Variants in TTC21A observed in about 807,000 individuals in gnomAD.
The protein encoded by TTC21A is tetratricopeptide repeat domain 21A.
TTC21A carries 128 observed loss-of-function variants against 156.4 expected under a neutral mutation model. The ratio of observed to expected loss-of-function variants is 0.82; its 90% CI spans 0.71 to 0.95. The LOEUF (loss-of-function observed/expected upper bound fraction) is 0.95. Ranked by LOEUF, TTC21A falls within the 40% of genes least tolerant of loss-of-function variation. TTC21A has a pLI of 0.00. For synonymous variants in TTC21A, 587 were observed against 617.1 expected, an observed-to-expected ratio of 0.95 and a Z score of 0.72; for missense variants, 1,435 against 1,602.3, an observed-to-expected ratio of 0.90 and a Z score of 1.78.
chr3:39,135,029 TC>T (rs2125862170), intron 21 of TTC21A, 63 bp from the exon 22 acceptor site: 4 of 793,378 alleles, frequency 5.0e-6, no homozygotes, highest in East Asian at 3.4e-5. Flanking sequence ...ACCCCCCGCC[TC>T]CCCCTACACC....
Position 39,112,554 on chromosome 3 carries a change from A to G in TTC21A, c.532A>G (p.Lys178Glu), listed in dbSNP as rs367667906. Reference sequence around the variant, plus strand: ...CCTGGAACAAGGAATTCAGGACACCAAAGATGTGCTGGGGCTGATGGGAAA... The same window carrying G: ...CCTGGAACAAGGAATTCAGGACACCGAAGATGTGCTGGGGCTGATGGGAAA... ...EYLEQGIQDT[K>E]DVLGLMGKAM... The change falls in exon 5 of 29, where the codon AAA (lysine) becomes GAA (glutamate). Residue 178 changes from lysine (K) to glutamate (E), a missense_variant. By Grantham distance (56) the Lys-to-Glu change is moderately conservative. Transcript: ENST00000683103. The G allele has an allele frequency of 6.2e-7, 1 of 1,614,054 alleles. No homozygotes were observed. The highest frequency in any genetic ancestry group is 1.3e-5 in the African/African-American group (1 of 74,932).
Position 39,110,927 on chromosome 3 carries a change from T to A in TTC21A, c.345T>A (p.Tyr115Ter). 1.2e-6 allele frequency: 2 copies of A among 1,614,068 alleles called. No homozygotes were observed. Among genetic ancestry groups the A allele is most frequent in the South Asian group, 2.2e-5 (2 of 91,074 alleles). Residue 115 changes from tyrosine (Y) to a stop codon, truncating the protein, a stop_gained, in exon 4 of 29, where the codon TAT (tyrosine) becomes TAA (stop). Coordinates refer to ENST00000683103, the MANE Select transcript of TTC21A (RefSeq NM_001366900.1). LOFTEE classifies it high-confidence loss of function. ...CAGTCAGTGGGACTGCACTGTACTATGCTGGCCTTTTCCTCTGGCTCATAG... is the reference window on the plus strand; with the variant it reads ...CAGTCAGTGGGACTGCACTGTACTAAGCTGGCCTTTTCCTCTGGCTCATAG... ...RKTVSGTALY[Y>*]AGLFLWLIGR...
rs572025005 is a variant in TTC21A, at chr3:39,134,653, G to C, written c.2862+325G>C. 6.1e-6 allele frequency: 3 copies of C among 489,788 alleles called. No individual in the cohort carries two copies. Among genetic ancestry groups the C allele is most frequent in the East Asian group, 3.9e-5 (1 of 25,720 alleles). 30.3% of individuals were successfully genotyped at this position (489,788 alleles called of 1,614,324 possible). ...TGGGGCTTCAGGAAAAGCCCTCCTC[G>C]GTCCTGCCTCTCTCTTCCCTATCAT... On this transcript the variant is annotated intron_variant, in intron 21 of 28. Transcript: ENST00000683103. This position sits in a 1 kb window ranked among gnomAD's most constrained non-coding sequence, Gnocchi z 4.6.
intron 1 of TTC21A, 119 bp from the exon 2 acceptor site, chr3:39,108,966 C>G (rs974104803): frequency 2.7e-5 from 31 of 1,149,220 alleles, no homozygotes; most frequent in Non-Finnish European, 3.6e-5. Flanking sequence ...TCTTTCTCTT[C>G]CCTTTGCAGA....
intron 12 of TTC21A, among the ~76,000 whole-genome samples, chr3:39,127,905 C>G (rs1050525216): frequency 6.6e-6 from 1 of 152,238 alleles, no homozygotes; most frequent in Admixed American, 6.5e-5. Flanking sequence ...AGTAATAAAT[C>G]AGACTTTCTA....
At chr3:39,129,703 G>A (rs1269513250) in intron 15 of TTC21A, among the ~76,000 whole-genome samples, 1 of 152,230 alleles carries the variant, frequency 6.6e-6, no homozygotes, top group Non-Finnish European at 1.5e-5. Flanking sequence ...AATTTAAAGT[G>A]GGAGGTGGGG....
rs921530699 is a variant in TTC21A at position 39,138,138 on chromosome 3, G to T, written c.3676-129G>T. Reference sequence around the variant, plus strand: ...GGTTGGGGTACCCCTGGGGTCCCTTGGCAGTTTGGTTTATGGCAGCTCACT... The same window carrying T: ...GGTTGGGGTACCCCTGGGGTCCCTTTGCAGTTTGGTTTATGGCAGCTCACT... On this transcript the variant is annotated intron_variant, in intron 26 of 28. Transcript: ENST00000683103. The T allele has an allele frequency of 2.8e-6, 4 of 1,413,662 alleles. No individual in the cohort carries two copies. The East Asian group carries it at 7.0e-5, about 25-fold the overall frequency. The allele number at this position is 1,413,662 out of a possible 1,614,324, so 87.6% of individuals were successfully genotyped here.
intron 5 of TTC21A, 21 bp from the exon 6 acceptor site, chr3:39,114,564 C>T (rs1380275232): frequency 6.2e-7 from 1 of 1,613,596 alleles, no homozygotes; most frequent in Non-Finnish European, 8.5e-7. Flanking sequence ...CACGGAGGCT[C>T]TTCTGTCTGG....
At chr3:39,124,968 C>A in intron 9 of TTC21A, 95 bp from the exon 10 acceptor site, 1 of 816,814 alleles carries the variant, frequency 1.2e-6, no homozygotes. Flanking sequence ...ACTGAGACAT[C>A]TTCCTTCCAC....
At chr3:39,137,122 G>A in intron 24 of TTC21A, 62 bp downstream of exon 24, 1 of 1,601,680 alleles carries the variant, frequency 6.2e-7, no homozygotes, top group South Asian at 1.1e-5. Context: ...TGCAACCTCT[G>A]GGTTGAAGCC....
chr3:39,116,525 G>A (rs942175021), intron 6 of TTC21A, among the ~76,000 whole-genome samples: 1 of 151,830 alleles, frequency 6.6e-6, no homozygotes, highest in African/African-American at 2.4e-5. Flanking sequence ...GCCTAGGCTG[G>A]AGTGAAGTGG....
Position 39,130,072 on chromosome 3 carries a change from C to A in TTC21A, c.2136-7C>A. The A allele has an allele frequency of 6.2e-7, 1 of 1,614,036 alleles. No individual in the cohort carries two copies. The highest frequency in any genetic ancestry group is 1.3e-5 in the African/African-American group (1 of 75,050). On this transcript the variant is annotated splice_polypyrimidine_tract_variant and splice_region_variant and intron_variant, in intron 15 of 28. Coordinates refer to ENST00000683103, the MANE Select transcript of TTC21A (RefSeq NM_001366900.1). The surrounding 1 kb of genome is among the most constrained non-coding windows in gnomAD (Gnocchi z 4.5). ...TGGGATAAGCTTTTGGTTACTCTTGCTTGCAGTGAGCTCTGTGAACATCTG... is the reference window on the plus strand; with the variant it reads ...TGGGATAAGCTTTTGGTTACTCTTGATTGCAGTGAGCTCTGTGAACATCTG...
chr3:39,124,386 G>A (rs917130777), intron 9 of TTC21A, among the ~76,000 whole-genome samples: 2 of 152,076 alleles, frequency 1.3e-5, no homozygotes, highest in Admixed American at 6.6e-5. Flanking sequence ...GTGGCCAGGC[G>A]CAGTGGCTCA....
In TTC21A at chr3:39,137,696, G is replaced by A; in HGVS notation, c.3661G>A (p.Val1221Met). 1.2e-6 allele frequency: 2 copies of A among 1,612,548 alleles called. No homozygotes were observed. The highest frequency in any genetic ancestry group is 1.7e-6 in the Non-Finnish European group (2 of 1,179,474). ...CGCCTTAGAACTGCTGCGGCGCTGT[G>A]TGCAATACAACAAGGCAAGGAGCCA... ...DLALELLRRC[V>M]QYNKSCYKAY... Residue 1221 changes from valine to methionine, a missense_variant, in exon 26 of 29, where the codon GTG (valine) becomes ATG (methionine). By Grantham distance (21) the Val-to-Met change is conservative. Coordinates refer to ENST00000683103, the MANE Select transcript of TTC21A (RefSeq NM_001366900.1).
chr3:39,109,440 C>T (rs2036606480), intron 2 of TTC21A, among the ~76,000 whole-genome samples: 1 of 152,180 alleles, frequency 6.6e-6, no homozygotes, highest in Non-Finnish European at 1.5e-5. Context: ...CCTCGGGTTC[C>T]CTCTCTGTAA....
chr3:39,110,795 A>C, intron 3 of TTC21A, 56 bp from the exon 4 acceptor site: 1 of 1,606,512 alleles, frequency 6.2e-7, no homozygotes, highest in Non-Finnish European at 8.5e-7. Context: ...CCCATGCAGA[A>C]CCAGGCAGAC....
In TTC21A at chr3:39,125,581, G is replaced by A. The variant is rs375696012; in HGVS notation, c.1392+49G>A. 1.5e-3 allele frequency: 2,051 copies of A among 1,365,426 alleles called. 3 individuals carry two copies. The highest frequency in any genetic ancestry group is 3.4e-3 in the Middle Eastern group (19 of 5,508). The allele number at this position is 1,365,426 out of a possible 1,614,324, so 84.6% of individuals were successfully genotyped here. ...GGTGGGGGTCTGGAGTACAGGTTTG[G>A]ATGGTGCCCACCTGAAGGACAGAGG... is the stretch of plus-strand genomic sequence containing the variant. On this transcript the variant is annotated intron_variant, in intron 11 of 28. Transcript: ENST00000683103.
intron 22 of TTC21A, among the ~76,000 whole-genome samples, chr3:39,135,915 C>T (rs1349706743): frequency 2.0e-5 from 3 of 151,856 alleles, no homozygotes; most frequent in African/African-American, 4.8e-5. Flanking sequence ...ATTGGCCGGG[C>T]GTGGTGGCGG....
chr3:39,131,877 G>A (rs533961813), intron 19 of TTC21A, among the ~76,000 whole-genome samples: 3 of 152,210 alleles, frequency 2.0e-5, no homozygotes, highest in East Asian at 3.9e-4. Context: ...CCTCTCAAAG[G>A]CCCTAACTTT....
Sources: allele counts gnomAD v4.1 joint callset (sites outside exome capture counted in the v4.1 genomes callset), GRCh38; gene constraint gnomAD v4.1.1; non-coding constraint Gnocchi (gnomAD v3.1); transcripts MANE v1.5; gene names NCBI Gene and HGNC (gene_info 2026-07-23, HGNC 2026-07-21).